Variants in GOLPH3L observed in about 807,000 individuals in gnomAD.
The protein encoded by GOLPH3L is golgi phosphoprotein 3 like.
In GOLPH3L, 22 loss-of-function variants were observed where a neutral mutation model predicts 30.3. The observed-to-expected ratio is 0.73, with a 90% confidence interval of 0.52 to 1.04. The LOEUF is 1.04. Ranked by LOEUF, GOLPH3L falls within the 50% of genes least tolerant of loss-of-function variation. The pLI is 0.00. For missense variants in GOLPH3L, 303 were observed against 345.8 expected, an observed-to-expected ratio of 0.88 and a Z score of 0.98; for synonymous variants, 120 against 128.2, an observed-to-expected ratio of 0.94 and a Z score of 0.43.
chr1:150,654,518 A>C (rs587613031), intron 4 of GOLPH3L, among the ~76,000 whole-genome samples: 8 of 151,176 alleles, frequency 5.3e-5, no homozygotes, highest in South Asian at 4.1e-4. Flanking sequence ...AAAAAAAAAA[A>C]ACAAAAAAAC....
At chr1:150,649,919 G>A (rs991380502) in intron 4 of GOLPH3L, among the ~76,000 whole-genome samples, 3 of 152,046 alleles carry the variant, frequency 2.0e-5, no homozygotes, top group Admixed American at 6.6e-5. Flanking sequence ...CCCAGGAGGC[G>A]GAGGTTTCAG....
intron 3 of GOLPH3L, among the ~76,000 whole-genome samples, chr1:150,662,364 TTAAA>T (rs924695113): frequency 1.1e-4 from 16 of 151,470 alleles, no homozygotes; most frequent in South Asian, 1.0e-3. Flanking sequence ...AAATAAAAAT[TTAAA>T]TAAATAAATA....
intron 2 of GOLPH3L, among the ~76,000 whole-genome samples, chr1:150,682,235 T>G (rs1421991466): frequency 6.6e-6 from 1 of 152,056 alleles, no homozygotes; most frequent in Non-Finnish European, 1.5e-5. Context: ...TAGAGTGAAA[T>G]GCATAGATGT....
At chr1:150,670,615 T>A (rs1025866062) in intron 2 of GOLPH3L, among the ~76,000 whole-genome samples, 2 of 151,960 alleles carry the variant, frequency 1.3e-5, no homozygotes, top group Non-Finnish European at 2.9e-5. Flanking sequence ...AATAAATAAA[T>A]AAAAAGAAAT....
intron 4 of GOLPH3L, among the ~76,000 whole-genome samples, chr1:150,649,160 G>C (rs1396268441): frequency 6.6e-6 from 1 of 152,222 alleles, no homozygotes; most frequent in East Asian, 1.9e-4. Flanking sequence ...CTCTATCCCA[G>C]GCCTGGTAGG....
intron 4 of GOLPH3L, among the ~76,000 whole-genome samples, chr1:150,657,708 A>G (rs748111358): frequency 3.1e-4 from 47 of 151,530 alleles, no homozygotes; most frequent in Non-Finnish European, 6.0e-4. Context: ...ATTTTTCTCT[A>G]TATGGAATAT....
intron 4 of GOLPH3L, among the ~76,000 whole-genome samples, chr1:150,651,859 A>G (rs1650112370): frequency 6.6e-6 from 1 of 152,012 alleles, no homozygotes; most frequent in South Asian, 2.1e-4. Context: ...CATAAAATGG[A>G]AGCACCAGAA....
At chr1:150,667,622 C>T (rs1368980488) in intron 2 of GOLPH3L, among the ~76,000 whole-genome samples, 3 of 144,036 alleles carry the variant, frequency 2.1e-5, no homozygotes, top group African/African-American at 7.8e-5. Flanking sequence ...GAGACGGAGT[C>T]TCTCTCTGTC....
intron 4 of GOLPH3L, among the ~76,000 whole-genome samples, chr1:150,659,814 T>C (rs587678329): frequency 1.7e-3 from 263 of 152,148 alleles, no homozygotes; most frequent in African/African-American, 5.9e-3. Context: ...GGGTAGACTG[T>C]CTGAGCTCAG....
chr1:150,677,270 T>C (rs1458880910), intron 2 of GOLPH3L, among the ~76,000 whole-genome samples: 2 of 151,514 alleles, frequency 1.3e-5, no homozygotes, highest in Non-Finnish European at 2.9e-5. Flanking sequence ...AGAGTCTCGC[T>C]CCATTGCCCA....
rs1025679105 is a variant in GOLPH3L, at chr1:150,663,734, T to C, written c.213A>G (p.Ile71Met). 3.1e-6 allele frequency: 5 copies of C among 1,613,096 alleles called. No individual in the cohort carries two copies. Among genetic ancestry groups the C allele is most frequent in the Non-Finnish European group, 3.4e-6 (4 of 1,179,280 alleles). Residue 71 changes from isoleucine (I) to methionine (M), a missense_variant, in exon 3 of 5, where the codon ATA becomes ATG. Coordinates refer to ENST00000271732, the MANE Select transcript of GOLPH3L (RefSeq NM_018178.6). ...GGATGCCCCCTCGCAGGCCTGATGA[T>C]ATGCAGTCATTCCAGAAAGATGTGT... is the stretch of plus-strand genomic sequence containing the variant. ...EGYTSFWNDC[I>M]SSGLRGGILI...
chr1:150,650,821 A>C (rs1650087755), intron 4 of GOLPH3L, among the ~76,000 whole-genome samples: 1 of 152,216 alleles, frequency 6.6e-6, no homozygotes, highest in African/African-American at 2.4e-5. Flanking sequence ...TTGACAAAAA[A>C]GTATGAAGTA....
intron 2 of GOLPH3L, among the ~76,000 whole-genome samples, chr1:150,691,709 T>C (rs1651218004): frequency 6.6e-6 from 1 of 152,160 alleles, no homozygotes; most frequent in Non-Finnish European, 1.5e-5. Flanking sequence ...TTGTTTATAA[T>C]TGTACCACCT....
chr1:150,665,453 A>G (rs587738779), intron 2 of GOLPH3L, among the ~76,000 whole-genome samples: 1 of 152,208 alleles, frequency 6.6e-6, no homozygotes, highest in South Asian at 2.1e-4. Context: ...CAGCCTCCCA[A>G]GTAGCTCAGA....
intron 2 of GOLPH3L, among the ~76,000 whole-genome samples, chr1:150,673,683 C>T (rs1650695671): frequency 6.6e-6 from 1 of 152,100 alleles, no homozygotes; most frequent in Non-Finnish European, 1.5e-5. Context: ...AATCCTAGTA[C>T]TTTGGGAGGC....
At chr1:150,665,356 T>C (rs1458964984) in intron 2 of GOLPH3L, among the ~76,000 whole-genome samples, 1 of 151,974 alleles carries the variant, frequency 6.6e-6, no homozygotes, top group Non-Finnish European at 1.5e-5. Flanking sequence ...AGGCGGGGTC[T>C]TGCTCCATTA....
intron 2 of GOLPH3L, among the ~76,000 whole-genome samples, chr1:150,686,292 G>A (rs1447392897): frequency 6.6e-6 from 1 of 152,144 alleles, no homozygotes; most frequent in Non-Finnish European, 1.5e-5. Context: ...ATAGCTCAAT[G>A]CAGCTTCGAA....
intron 4 of GOLPH3L, among the ~76,000 whole-genome samples, chr1:150,651,936 T>C (rs587619843): frequency 1.2e-4 from 18 of 152,074 alleles, no homozygotes; most frequent in African/African-American, 4.3e-4. Flanking sequence ...CCAAACGTGA[T>C]GAAAAACACT....
intron 2 of GOLPH3L, among the ~76,000 whole-genome samples, chr1:150,666,851 T>C (rs1012369007): frequency 5.3e-5 from 8 of 152,204 alleles, no homozygotes; most frequent in African/African-American, 1.9e-4. Flanking sequence ...GGACAATATA[T>C]GAGGTCCTTG....
Sources: allele counts gnomAD v4.1 joint callset (sites outside exome capture counted in the v4.1 genomes callset), GRCh38; gene constraint gnomAD v4.1.1; transcripts MANE v1.5; gene names NCBI Gene and HGNC (gene_info 2026-07-23, HGNC 2026-07-21).